Variants in CDKL5 observed in about 807,000 individuals in gnomAD.
The protein encoded by CDKL5 is cyclin-dependent kinase-like 5.
A neutral mutation model predicts 61.7 loss-of-function variants in CDKL5; 8 were observed. That is an observed-to-expected ratio of 0.13 (90% confidence interval 0.08 to 0.23). CDKL5 has a LOEUF of 0.23. CDKL5 is among the 10% of genes least tolerant of loss of function. The pLI is 1.00. For synonymous variants in CDKL5, 275 were observed against 272.3 expected (o/e 1.01, Z -0.10); for missense variants, 440 against 734.5 (o/e 0.60, Z 4.63).
At chrX:18,611,258 G>A (rs778025289) in intron 14 of CDKL5, among the ~76,000 whole-genome samples, 5 of 109,431 alleles carry the variant, frequency 4.6e-5, no homozygotes, top group Middle Eastern at 4.7e-3. Flanking sequence ...GCAAAACCCC[G>A]TCTCTACTAA....
intron 17 of CDKL5, among the ~76,000 whole-genome samples, chrX:18,626,205 C>T (rs1250633538): frequency 9.1e-6 from 1 of 109,778 alleles, no homozygotes; most frequent in Non-Finnish European, 1.9e-5. Flanking sequence ...GTAGCTGTGA[C>T]TATAGGTGTG....
chrX:18,581,288 C>T (rs1389773654), intron 6 of CDKL5, among the ~76,000 whole-genome samples: 1 of 111,954 alleles, frequency 8.9e-6, no homozygotes, highest in Admixed American at 9.5e-5. Flanking sequence ...TTCTACTTAA[C>T]TCCCACCACA....
intron 1 of CDKL5, chrX:18,427,001 A>G (rs1367809712): frequency 8.9e-6 from 1 of 111,975 alleles, no homozygotes; most frequent in African/African-American, 3.2e-5. Context: ...TGAAGAGGCT[A>G]TATTTACTTG....
rs747220553 is a variant in CDKL5, at chrX:18,501,551, A to T, written c.-162-5384A>T. Among the ~76,000 whole-genome samples, 371 of 108,685 alleles carry T rather than the reference A, an allele frequency of 3.4e-3. 1 individual carries two copies. The Middle Eastern group carries it at 0.044, about 13-fold the overall frequency. 94.4% of individuals were successfully genotyped at this position (108,685 alleles called of 115,157 possible). Reference sequence around the variant, plus strand: ...CAAATGTTTTTTTTAAAAAATTTTTATTTTTTTTTATTTTTTTGAGACAGT... The same window carrying T: ...CAAATGTTTTTTTTAAAAAATTTTTTTTTTTTTTTATTTTTTTGAGACAGT... On this transcript the variant is annotated intron_variant, in intron 1 of 17. Coordinates refer to ENST00000623535, the MANE Select transcript of CDKL5 (RefSeq NM_001323289.2).
intron 1 of CDKL5, among the ~76,000 whole-genome samples, chrX:18,484,361 C>T (rs1468418689): frequency 9.1e-6 from 1 of 110,314 alleles, no homozygotes; most frequent in African/African-American, 3.3e-5. Context: ...GTCGCCCAGG[C>T]TGAAGTGCAG....
intron 1 of CDKL5, among the ~76,000 whole-genome samples, chrX:18,477,134 G>A (rs949198883): frequency 1.4e-4 from 15 of 109,490 alleles, no homozygotes; most frequent in African/African-American, 4.7e-4. Context: ...CTCTGTCACC[G>A]AGGCTGGAGC....
intron 3 of CDKL5, among the ~76,000 whole-genome samples, chrX:18,563,754 T>A (rs1284215245): frequency 8.9e-6 from 1 of 112,215 alleles, no homozygotes; most frequent in East Asian, 2.8e-4. Flanking sequence ...TGCCAAAAGC[T>A]TTTTTATTCC....
chrX:18,610,441 G>A (rs962319123), intron 14 of CDKL5, among the ~76,000 whole-genome samples: 1 of 112,615 alleles, frequency 8.9e-6, no homozygotes, highest in East Asian at 2.8e-4. Context: ...TAACTCTGAT[G>A]TAACACTGAC....
At chrX:18,616,520 G>C (rs1926718792) in intron 15 of CDKL5, among the ~76,000 whole-genome samples, 2 of 109,457 alleles carry the variant, frequency 1.8e-5, no homozygotes, top group African/African-American at 6.7e-5. Flanking sequence ...AGCTACTCGG[G>C]AGGCTGAGGC....
chrX:18,480,108 T>C (rs1921491169), intron 1 of CDKL5, among the ~76,000 whole-genome samples: 1 of 111,994 alleles, frequency 8.9e-6, no homozygotes, highest in Non-Finnish European at 1.9e-5. Flanking sequence ...TTTCCTGTTT[T>C]AATCTAATGT....
intron 1 of CDKL5, among the ~76,000 whole-genome samples, chrX:18,456,378 G>A (rs1256143688): frequency 8.9e-6 from 1 of 112,019 alleles, no homozygotes; most frequent in East Asian, 2.8e-4. Flanking sequence ...TCTTGATGTG[G>A]TGTAGTTTTC....
chrX:18,597,826 C>T (rs1007521155), intron 10 of CDKL5, among the ~76,000 whole-genome samples: 4 of 110,315 alleles, frequency 3.6e-5, no homozygotes, highest in African/African-American at 9.9e-5. Flanking sequence ...GAACTCCTGA[C>T]GTCAGATGAT....
At chrX:18,489,229 G>A (rs1305204218) in intron 1 of CDKL5, among the ~76,000 whole-genome samples, 1 of 111,041 alleles carries the variant, frequency 9.0e-6, no homozygotes, top group African/African-American at 3.3e-5. Flanking sequence ...AGCAATTCTC[G>A]TGGTATTTTT....
intron 3 of CDKL5, among the ~76,000 whole-genome samples, chrX:18,521,459 CT>C (rs975599101): frequency 1.1e-4 from 12 of 109,583 alleles, no homozygotes; most frequent in African/African-American, 4.0e-4. Context: ...TTATGGCTGT[CT>C]TTTTTTTAAT....
At position 18,582,000 on chromosome X, in the gene CDKL5, T is replaced by G. The variant is rs2147144127; in HGVS notation, c.463+50T>G. 3.5e-6 allele frequency: 3 copies of G among 850,335 alleles called. No homozygotes were observed. In the East Asian group the frequency reaches 9.4e-5, roughly 27 times the overall value. 70.1% of individuals were successfully genotyped at this position (850,335 alleles called of 1,213,427 possible). A position where few individuals can be genotyped will look rare whatever the true frequency, so the allele number is the denominator to read the frequency against. On this transcript the variant is annotated intron_variant, in intron 7 of 17. Transcript: ENST00000623535. ...TGGTACTTACAGAATTAATTTATTG[T>G]AACACATAGGTAGCTTTTAAAGGAA... is the stretch of plus-strand genomic sequence containing the variant.
chrX:18,494,157 T>C (rs1299568359), intron 1 of CDKL5, among the ~76,000 whole-genome samples: 1 of 112,219 alleles, frequency 8.9e-6, no homozygotes, highest in Non-Finnish European at 1.9e-5. Flanking sequence ...GTCAAGCGAT[T>C]GGCCTGCCTC....
At chrX:18,456,891 A>T (rs1331901675) in intron 1 of CDKL5, among the ~76,000 whole-genome samples, 6 of 110,944 alleles carry the variant, frequency 5.4e-5, no homozygotes, top group Admixed American at 2.0e-4. Context: ...TTATTGTTTT[A>T]ACCCTAACCC....
chrX:18,629,677 A>G lies in CDKL5; in HGVS notation c.*920A>G. Reference sequence around the variant, plus strand: ...CTCTAGACATGATCCTTGGTAGCAGACGAGATGCAGCATCTCTTTCCAAAC... The same window carrying G: ...CTCTAGACATGATCCTTGGTAGCAGGCGAGATGCAGCATCTCTTTCCAAAC... On this transcript the variant is annotated 3_prime_UTR_variant, in exon 18 of 18. Coordinates refer to ENST00000623535, the MANE Select transcript of CDKL5 (RefSeq NM_001323289.2). 2.1e-5 allele frequency: 16 copies of G among 754,044 alleles called. No homozygotes were observed. The highest frequency in any genetic ancestry group is 2.5e-5 in the Non-Finnish European group (16 of 639,263). 62.1% of individuals were successfully genotyped at this position (754,044 alleles called of 1,213,427 possible).
chrX:18,510,221 T>C (rs2147095044), intron 2 of CDKL5, among the ~76,000 whole-genome samples: 1 of 111,455 alleles, frequency 9.0e-6, no homozygotes, highest in East Asian at 2.8e-4. Flanking sequence ...AGTGGCGCGA[T>C]CTGGACTACT....
Sources: gnomAD v4.1 joint callset for allele counts (sites outside exome capture counted in the v4.1 genomes callset) on GRCh38, gnomAD v4.1.1 for gene constraint, MANE v1.5 for transcripts, NCBI Gene and HGNC (gene_info 2026-07-23, HGNC 2026-07-21) for gene names.